SETD3: variants seen among roughly 807,000 people sequenced by gnomAD.
SETD3 encodes SET domain containing 3, actin N3(tau)-histidine methyltransferase.
SETD3 carries 19 observed loss-of-function variants against 63.0 expected under a neutral mutation model. The ratio of observed to expected loss-of-function variants is 0.30; its 90% CI spans 0.21 to 0.44. The LOEUF (loss-of-function observed/expected upper bound fraction) is 0.44. Ranked by LOEUF, SETD3 falls within the 20% of genes least tolerant of loss-of-function variation. The pLI is 1.00. For synonymous variants in SETD3, 286 were observed against 264.1 expected, an observed-to-expected ratio of 1.08 and a Z score of -0.80; for missense variants, 587 against 728.5, an observed-to-expected ratio of 0.81 and a Z score of 2.24.
intron 6 of SETD3, among the ~76,000 whole-genome samples, chr14:99,433,445 CT>C (rs112643262): frequency 6.1e-5 from 9 of 148,122 alleles, no homozygotes; most frequent in Admixed American, 2.0e-4. Context: ...TTTAAAAGTT[CT>C]TTTTTTTTTG....
chr14:99,398,581 C>T lies in SETD3; in HGVS notation c.*98G>A. 8.4e-7 allele frequency: 1 copy of T among 1,186,268 alleles called. No individual in the cohort carries two copies. Among genetic ancestry groups the T allele is most frequent in the Non-Finnish European group, 1.2e-6 (1 of 840,142 alleles). The allele number at this position is 1,186,268 out of a possible 1,614,324, so 73.5% of individuals were successfully genotyped here. On this transcript the variant is annotated 3_prime_UTR_variant, in exon 13 of 13. Coordinates refer to ENST00000331768, the MANE Select transcript of SETD3 (RefSeq NM_032233.3). ...AAGCAGCAAAAACATATCTTCCTCT[C>T]TGCAGAAAGAAAAATGTTAACAAGG...
intron 6 of SETD3, among the ~76,000 whole-genome samples, chr14:99,424,247 C>T (rs1477700668): frequency 4.6e-5 from 7 of 152,178 alleles, no homozygotes; most frequent in Non-Finnish European, 8.8e-5. Flanking sequence ...TCAGCTGACT[C>T]CCAACTCGGA....
chr14:99,416,459 G>A (rs892814229), intron 6 of SETD3, among the ~76,000 whole-genome samples: 4 of 152,176 alleles, frequency 2.6e-5, no homozygotes, highest in Non-Finnish European at 5.9e-5. Flanking sequence ...GACATTCCTA[G>A]CTTGCACTTT....
intron 7 of SETD3, 129 bp downstream of exon 7, chr14:99,413,747 G>A (rs974702384): frequency 1.2e-6 from 1 of 804,332 alleles, no homozygotes; most frequent in African/African-American, 1.7e-5. Flanking sequence ...TCTGAAAGAT[G>A]AGCTCTGTTT....
intron 3 of SETD3, 123 bp from the exon 4 acceptor site, chr14:99,461,463 G>T: frequency 1.0e-6 from 1 of 959,384 alleles, no homozygotes; most frequent in Non-Finnish European, 1.6e-6. Context: ...CGCCAATCTT[G>T]AAATCAAAAC....
intron 6 of SETD3, among the ~76,000 whole-genome samples, chr14:99,435,722 G>A (rs1402436289): frequency 6.8e-6 from 1 of 147,530 alleles, no homozygotes; most frequent in Non-Finnish European, 1.5e-5. Context: ...GGAGAAACAA[G>A]GCAGGTTCCC....
intron 6 of SETD3, among the ~76,000 whole-genome samples, chr14:99,433,431 A>G (rs547124736): frequency 5.9e-4 from 89 of 152,132 alleles, no homozygotes; most frequent in African/African-American, 1.6e-3. Flanking sequence ...TAAAAAATAT[A>G]TATTTTAAAA....
intron 6 of SETD3, among the ~76,000 whole-genome samples, chr14:99,452,556 C>T (rs192986062): frequency 4.6e-4 from 70 of 152,182 alleles, no homozygotes; most frequent in African/African-American, 1.6e-3. Context: ...GCAACCACCA[C>T]CAAAGAGAGA....
intron 8 of SETD3, chr14:99,411,585 A>G (rs1891993470): frequency 6.6e-6 from 1 of 152,234 alleles, no homozygotes; most frequent in South Asian, 2.1e-4. Context: ...TTTATTAAAA[A>G]GAACTCTAAT....
chr14:99,454,545 C>T (rs1359560129), intron 6 of SETD3, among the ~76,000 whole-genome samples: 1 of 152,056 alleles, frequency 6.6e-6, no homozygotes, highest in East Asian at 1.9e-4. Flanking sequence ...TAAAACAAAA[C>T]AAAACAAAAC....
intron 6 of SETD3, among the ~76,000 whole-genome samples, chr14:99,453,916 C>T (rs776768980): frequency 6.6e-5 from 10 of 152,136 alleles, no homozygotes; most frequent in Non-Finnish European, 1.3e-4. Flanking sequence ...GTGACTGTCA[C>T]ATTTTCTTCT....
chr14:99,462,971 A>G (rs1446523433), intron 3 of SETD3, among the ~76,000 whole-genome samples: 1 of 152,180 alleles, frequency 6.6e-6, no homozygotes, highest in Non-Finnish European at 1.5e-5. Flanking sequence ...AGCTTTTTCA[A>G]ACTCACACTT....
upstream of SETD3, among the ~76,000 whole-genome samples, chr14:99,482,989 G>A (rs373299049): frequency 3.2e-4 from 49 of 152,300 alleles, no homozygotes; most frequent in African/African-American, 1.2e-3. Context: ...ATATTTTTAA[G>A]CTCAGGTAAA....
intron 8 of SETD3, among the ~76,000 whole-genome samples, chr14:99,409,134 G>A (rs1427975258): frequency 1.3e-5 from 2 of 151,868 alleles, no homozygotes; most frequent in African/African-American, 2.4e-5. Context: ...CCTCCTCCTC[G>A]CCCAGCTCCA....
At chr14:99,482,750 A>C (rs1364301281), upstream of SETD3, among the ~76,000 whole-genome samples, 1 of 152,226 alleles carries the variant, frequency 6.6e-6, no homozygotes, top group East Asian at 1.9e-4. Flanking sequence ...GAGGTTCTTA[A>C]ATTTTAAATG....
intron 6 of SETD3, among the ~76,000 whole-genome samples, chr14:99,424,715 G>GT (rs977321038): frequency 1.1e-4 from 17 of 152,024 alleles, no homozygotes; most frequent in Non-Finnish European, 4.4e-5. Flanking sequence ...AGAAACCCAG[G>GT]TGGAGACAAA....
intron 6 of SETD3, among the ~76,000 whole-genome samples, chr14:99,439,602 CTATG>C (rs1001496696): frequency 2.7e-5 from 4 of 146,942 alleles, no homozygotes; most frequent in Non-Finnish European, 3.0e-5. Context: ...GAAAACATAT[CTATG>C]TATTAAATAT....
At chr14:99,439,283 C>T (rs991920492) in intron 6 of SETD3, among the ~76,000 whole-genome samples, 5 of 152,262 alleles carry the variant, frequency 3.3e-5, no homozygotes, top group Admixed American at 3.3e-4. Flanking sequence ...TCACCCCCAA[C>T]TCCAGACTGC....
Position 99,404,211 on chromosome 14 carries a change from C to T in SETD3, c.1177+14G>A, listed in dbSNP as rs1891555091. ...GAAAAAAGTCAACATCTCTTTTTTC[C>T]TGAAATGACTTACCTTCAGTCATAC... is the stretch of plus-strand genomic sequence containing the variant. On this transcript the variant is annotated intron_variant, in intron 11 of 12. Coordinates refer to ENST00000331768, the MANE Select transcript of SETD3 (RefSeq NM_032233.3). 6.2e-7 allele frequency: 1 copy of T among 1,602,748 alleles called. No homozygotes were observed. The highest frequency in any genetic ancestry group is 8.5e-7 in the Non-Finnish European group (1 of 1,173,814).
Sources: gnomAD v4.1 joint callset for allele counts (sites outside exome capture counted in the v4.1 genomes callset) on GRCh38, gnomAD v4.1.1 for gene constraint, MANE v1.5 for transcripts, NCBI Gene and HGNC (gene_info 2026-07-23, HGNC 2026-07-21) for gene names.